WWTR1: variants seen among roughly 807,000 people sequenced by gnomAD.
WWTR1 encodes the protein WW domain containing transcription regulator 1.
In WWTR1, 13 loss-of-function variants were observed where a neutral mutation model predicts 40.1. The observed-to-expected ratio is 0.32, with a 90% CI of 0.21 to 0.52. The LOEUF (loss-of-function observed/expected upper bound fraction) is 0.52. WWTR1 is among the 20% of genes least tolerant of loss of function. The probability of loss-of-function intolerance (pLI) is 0.97; values close to 1 mark genes in which losing one functional copy is unlikely to be tolerated. For missense variants in WWTR1, 436 were observed against 523.1 expected (o/e 0.83, Z 1.63); for synonymous variants, 230 against 210.1 (o/e 1.09, Z -0.82).
chr3:149,532,178 A>G (rs1735613009), intron 4 of WWTR1, among the ~76,000 whole-genome samples: 1 of 152,266 alleles, frequency 6.6e-6, no homozygotes, highest in Admixed American at 6.5e-5. Context: ...ATAAAACGGG[A>G]TAACACTACA....
chr3:149,642,504 G>A (rs985868572), intron 2 of WWTR1, among the ~76,000 whole-genome samples: 1 of 151,926 alleles, frequency 6.6e-6, no homozygotes, highest in East Asian at 1.9e-4. Flanking sequence ...GGCCGGGCAC[G>A]GTGGCTCACG....
intron 1 of WWTR1, among the ~76,000 whole-genome samples, chr3:149,689,954 A>G (rs1315228463): frequency 6.6e-6 from 1 of 152,190 alleles, no homozygotes. Flanking sequence ...AGAAACCACA[A>G]GGAGTTAAAA....
At chr3:149,614,159 TCA>T (rs747462009) in intron 2 of WWTR1, among the ~76,000 whole-genome samples, 12 of 152,188 alleles carry the variant, frequency 7.9e-5, no homozygotes, top group Non-Finnish European at 1.3e-4. Flanking sequence ...TGACACACAG[TCA>T]TGTGCAGCAT....
intron 2 of WWTR1, among the ~76,000 whole-genome samples, chr3:149,669,531 G>A (rs1299806349): frequency 2.0e-5 from 3 of 152,168 alleles, no homozygotes; most frequent in African/African-American, 7.2e-5. Context: ...CCAGTGGGAG[G>A]GAAAAGGAAA....
intron 3 of WWTR1, among the ~76,000 whole-genome samples, chr3:149,555,790 T>C (rs1311355803): frequency 6.6e-6 from 1 of 152,180 alleles, no homozygotes; most frequent in Non-Finnish European, 1.5e-5. Flanking sequence ...GATACAATGA[T>C]GAACAAGACA....
chr3:149,700,270 C>A (rs1715129263), intron 1 of WWTR1, among the ~76,000 whole-genome samples: 1 of 152,014 alleles, frequency 6.6e-6, no homozygotes, highest in Non-Finnish European at 1.5e-5. Flanking sequence ...AGTTCAAGAC[C>A]AGCCTTGGGC....
intron 5 of WWTR1, among the ~76,000 whole-genome samples, chr3:149,527,402 C>T (rs973074187): frequency 2.6e-5 from 4 of 152,088 alleles, no homozygotes; most frequent in African/African-American, 9.7e-5. Context: ...CCACCTCGGC[C>T]TCCCAAAGTG....
In WWTR1 at chr3:149,603,554, C is replaced by G. The variant is rs189735784; in HGVS notation, c.432-30554G>C. ...ATTTAGTTACAAAGGTTCCCCACCCCCCCCTTGTACTCCACTCTAATTACA... is the reference window on the plus strand; with the variant it reads ...ATTTAGTTACAAAGGTTCCCCACCCGCCCCTTGTACTCCACTCTAATTACA... On this transcript the variant is annotated intron_variant, in intron 2 of 6. Coordinates refer to ENST00000360632, the MANE Select transcript of WWTR1 (RefSeq NM_015472.6). 8.0e-3 allele frequency among the ~76,000 whole-genome samples: 1,177 copies of G among 146,578 alleles called. 31 individuals are homozygous for G. Among genetic ancestry groups the G allele is most frequent in the African/African-American group, 0.028 (1,093 of 38,476 alleles).
At chr3:149,568,010 CCT>C (rs2107988271) in intron 3 of WWTR1, among the ~76,000 whole-genome samples, 1 of 152,010 alleles carries the variant, frequency 6.6e-6, no homozygotes, top group African/African-American at 2.4e-5. Context: ...TATTTTTTTC[CCT>C]CTTTTGTTTC....
chr3:149,664,748 C>G (rs774405050), intron 2 of WWTR1, among the ~76,000 whole-genome samples: 3 of 152,048 alleles, frequency 2.0e-5, no homozygotes, highest in Admixed American at 6.6e-5. Context: ...GCCATCATGC[C>G]TGGCTGATTT....
At position 149,556,660 on chromosome 3, in the gene WWTR1, C is replaced by A. The variant is rs571009171; in HGVS notation, c.569-14123G>T. On this transcript the variant is annotated intron_variant, in intron 3 of 6. Transcript: ENST00000360632. Reference sequence around the variant, plus strand: ...CCTCTCGGTTTGTTGTCTCTCAGCCCTGTAAAGTGGTTCAGGATCTTTGGG... The same window carrying A: ...CCTCTCGGTTTGTTGTCTCTCAGCCATGTAAAGTGGTTCAGGATCTTTGGG... Among the ~76,000 whole-genome samples, 8 of 152,206 alleles carry A rather than the reference C, an allele frequency of 5.3e-5. No individual in the cohort carries two copies. The South Asian group carries it at 1.7e-3, about 32-fold the overall frequency.
At chr3:149,532,697 A>G (rs1735643591) in intron 4 of WWTR1, among the ~76,000 whole-genome samples, 2 of 152,222 alleles carry the variant, frequency 1.3e-5, no homozygotes, top group Non-Finnish European at 2.9e-5. Flanking sequence ...CCATCCAAAC[A>G]GGGGAGGGTT....
chr3:149,597,432 CAA>C (rs1253950023), intron 2 of WWTR1, among the ~76,000 whole-genome samples: 5 of 51,828 alleles, frequency 9.6e-5, no homozygotes, highest in Non-Finnish European at 1.8e-4. Flanking sequence ...CCCAGCTCTA[CAA>C]AAAAAAAAAA....
Position 149,519,863 on chromosome 3 carries a change from A to T in WWTR1, c.*942T>A, listed in dbSNP as rs973851820. The T allele has an allele frequency of 2.6e-5, 4 of 152,162 alleles. No individual in the cohort carries two copies. The highest frequency in any genetic ancestry group is 2.6e-4 in the Admixed American group (4 of 15,268). 9.4% of individuals were successfully genotyped at this position (152,162 alleles called of 1,614,324 possible). A position where few individuals can be genotyped will look rare whatever the true frequency, so the allele number is the denominator to read the frequency against. Reference sequence around the variant, plus strand: ...GAGGCTAAGGCAGGAGAATCGCTTGAACCCAGAAGGCAGAGGTTGCAGTGA... The same window carrying T: ...GAGGCTAAGGCAGGAGAATCGCTTGTACCCAGAAGGCAGAGGTTGCAGTGA... On this transcript the variant is annotated 3_prime_UTR_variant, in exon 7 of 7. Transcript: ENST00000360632.
At chr3:149,714,759 G>A (rs1226500707) in intron 5 of WWTR1, among the ~76,000 whole-genome samples, 1 of 152,254 alleles carries the variant, frequency 6.6e-6, no homozygotes, top group Admixed American at 6.5e-5. Flanking sequence ...TGGGCTGCCA[G>A]TCCCACGGAC....
intron 2 of WWTR1, among the ~76,000 whole-genome samples, chr3:149,651,992 A>ATTTTTTTTTTTTTTTTTT (rs368845286): frequency 7.3e-4 from 68 of 93,698 alleles, no homozygotes; most frequent in East Asian, 1.5e-3. Flanking sequence ...CGCCCGGCTA[A>ATTTTTTTTTTTTTTTTTT]TTTTTTTTTT....
intron 2 of WWTR1, among the ~76,000 whole-genome samples, chr3:149,593,232 A>G (rs1738819073): frequency 6.6e-6 from 1 of 152,222 alleles, no homozygotes; most frequent in Non-Finnish European, 1.5e-5. Flanking sequence ...AAGACCATGA[A>G]AACCAACCTC....
At position 149,604,019 on chromosome 3, in the gene WWTR1, A is replaced by G. The variant is rs150216197; in HGVS notation, c.432-31019T>C. Among the ~76,000 whole-genome samples, 415 of 152,316 alleles carry G rather than the reference A, an allele frequency of 2.7e-3. 5 individuals carry two copies. Among genetic ancestry groups the G allele is most frequent in the African/African-American group, 8.7e-3 (362 of 41,574 alleles). ...AAGACTGAGTTCATTAAATATATTCAAAACACAGAAACTTTTTAAACTCCA... is the reference window on the plus strand; with the variant it reads ...AAGACTGAGTTCATTAAATATATTCGAAACACAGAAACTTTTTAAACTCCA... On this transcript the variant is annotated intron_variant, in intron 2 of 6. Coordinates refer to ENST00000360632, the MANE Select transcript of WWTR1 (RefSeq NM_015472.6).
chr3:149,588,966 G>T (rs566942886), intron 2 of WWTR1, among the ~76,000 whole-genome samples: 28 of 152,322 alleles, frequency 1.8e-4, no homozygotes, highest in African/African-American at 6.0e-4. Flanking sequence ...AAATGCAATA[G>T]AAGGAAGGGA....
Sources: gnomAD v4.1 joint callset for allele counts (sites outside exome capture counted in the v4.1 genomes callset) on GRCh38, gnomAD v4.1.1 for gene constraint, MANE v1.5 for transcripts, NCBI Gene and HGNC (gene_info 2026-07-23, HGNC 2026-07-21) for gene names.